ARHGEF38: variants seen among roughly 807,000 people sequenced by gnomAD.
ARHGEF38 encodes Rho guanine nucleotide exchange factor (GEF) 38.
Under a neutral mutation model 79.9 loss-of-function variants are expected in ARHGEF38, and 79 were observed. The ratio of observed to expected loss-of-function variants is 0.99; its 90% CI spans 0.82 to 1.19. The LOEUF (loss-of-function observed/expected upper bound fraction) is 1.19. Among genes scored for constraint, ARHGEF38 ranks in the 50% most tolerant of loss-of-function variants. The probability of loss-of-function intolerance (pLI) is 0.00; values close to 1 mark genes in which losing one functional copy is unlikely to be tolerated. For synonymous variants in ARHGEF38, 366 were observed against 328.3 expected (o/e 1.11, Z -1.24); for missense variants, 962 against 907.2 (o/e 1.06, Z -0.78).
At chr4:105,676,176 C>T (rs1369815858) in intron 13 of ARHGEF38, among the ~76,000 whole-genome samples, 1 of 152,206 alleles carries the variant, frequency 6.6e-6, no homozygotes, top group Non-Finnish European at 1.5e-5. Flanking sequence ...ATGAAGTCAT[C>T]TTATTTCTCA....
chr4:105,668,130 G>C (rs186374829), intron 13 of ARHGEF38, among the ~76,000 whole-genome samples: 101 of 152,030 alleles, frequency 6.6e-4, no homozygotes, highest in African/African-American at 2.4e-3. Context: ...CTAGTAATTG[G>C]CCAGTTTTAA....
chr4:105,570,445 A>G (rs1726163931), intron 1 of ARHGEF38, among the ~76,000 whole-genome samples: 1 of 152,214 alleles, frequency 6.6e-6, no homozygotes, highest in Admixed American at 6.5e-5. Context: ...TGGGTAATTT[A>G]TAAAGGAAAG....
intron 13 of ARHGEF38, among the ~76,000 whole-genome samples, chr4:105,669,498 C>A (rs1428361117): frequency 6.6e-6 from 1 of 152,062 alleles, no homozygotes; most frequent in Non-Finnish European, 1.5e-5. Context: ...CATTGCCATA[C>A]TGACCTTCAA....
At chr4:105,651,966 T>A (rs1250343918) in intron 7 of ARHGEF38, among the ~76,000 whole-genome samples, 2 of 152,196 alleles carry the variant, frequency 1.3e-5, no homozygotes, top group African/African-American at 4.8e-5. Flanking sequence ...CATGTCTTCT[T>A]TCAAGTCCCA....
At chr4:105,666,116 T>G in intron 10 of ARHGEF38, 61 bp from the exon 11 acceptor site, 14 of 1,407,956 alleles carry the variant, frequency 9.9e-6, no homozygotes, top group Non-Finnish European at 1.3e-5. Flanking sequence ...CTCAATACAT[T>G]TAACACCTGA....
At chr4:105,654,278 A>G in intron 8 of ARHGEF38, 109 bp downstream of exon 8, 2 of 598,556 alleles carry the variant, frequency 3.3e-6, no homozygotes, top group Non-Finnish European at 5.2e-6. Flanking sequence ...CCTTTATGTT[A>G]TGACACCGGA....
chr4:105,593,462 C>G (rs568537327), intron 2 of ARHGEF38, among the ~76,000 whole-genome samples: 1 of 152,182 alleles, frequency 6.6e-6, no homozygotes, highest in African/African-American at 2.4e-5. Context: ...CACTTGAGCC[C>G]AGGAGGTTGA....
intron 6 of ARHGEF38, 69 bp from the exon 7 acceptor site, chr4:105,648,480 A>C: frequency 7.4e-7 from 1 of 1,351,208 alleles, no homozygotes; most frequent in Non-Finnish European, 9.7e-7. Flanking sequence ...CGTCTTGAAA[A>C]CTTTGGGTGA....
chr4:105,653,357 C>T (rs1390066293), intron 7 of ARHGEF38, among the ~76,000 whole-genome samples: 1 of 147,418 alleles, frequency 6.8e-6, no homozygotes, highest in Non-Finnish European at 1.5e-5. Context: ...GAGTCTCGCT[C>T]TGTTGCCCAG....
chr4:105,670,214 T>C (rs1339315304), intron 13 of ARHGEF38, among the ~76,000 whole-genome samples: 1 of 152,212 alleles, frequency 6.6e-6, no homozygotes, highest in Non-Finnish European at 1.5e-5. Context: ...CAAACTGTAA[T>C]CCAAAGTGGG....
chr4:105,679,804 T>A lies in ARHGEF38; in HGVS notation c.*1867T>A, dbSNP rs753130308. 2 of 1,144,262 alleles carry A rather than the reference T, an allele frequency of 1.7e-6. No individual in the cohort carries two copies. Among genetic ancestry groups the A allele is most frequent in the African/African-American group, 1.5e-5 (1 of 65,234 alleles). 70.9% of individuals were successfully genotyped at this position (1,144,262 alleles called of 1,614,324 possible). Reference sequence around the variant, plus strand: ...CTGTCTGTCCAGCTTTACCCACGCATCCAGAGAGATGGATATAGGACTCAA... The same window carrying A: ...CTGTCTGTCCAGCTTTACCCACGCAACCAGAGAGATGGATATAGGACTCAA... On this transcript the variant is annotated 3_prime_UTR_variant, in exon 14 of 14. Transcript: ENST00000420470.
At chr4:105,612,953 A>G (rs10516520) in intron 2 of ARHGEF38, among the ~76,000 whole-genome samples, 21,446 of 152,072 alleles carry the variant, frequency 0.14, 1,609 homozygotes, top group Middle Eastern at 0.25. Context: ...ACATCTACTT[A>G]TCATCACTTT....
rs144462976 is a variant in ARHGEF38 at position 105,669,187 on chromosome 4, A to G, written c.2148+1484A>G. Among the ~76,000 whole-genome samples, 704 of 152,314 alleles carry G rather than the reference A, an allele frequency of 4.6e-3. 6 individuals are homozygous for G. The highest frequency in any genetic ancestry group is 0.031 in the Middle Eastern group (9 of 294). ...CATTTATACCAGTGGGAAACATAGC[A>G]TGTATGGTATATAGGGTTTTTTTCC... On this transcript the variant is annotated intron_variant, in intron 13 of 13. Coordinates refer to ENST00000420470, the MANE Select transcript of ARHGEF38 (RefSeq NM_001242729.2).
chr4:105,582,955 C>T (rs1311019866), intron 1 of ARHGEF38, among the ~76,000 whole-genome samples: 1 of 152,144 alleles, frequency 6.6e-6, no homozygotes, highest in Non-Finnish European at 1.5e-5. Flanking sequence ...ATATCTCACC[C>T]TTCCTTTAAT....
intron 3 of ARHGEF38, among the ~76,000 whole-genome samples, chr4:105,622,627 A>G (rs777055585): frequency 6.6e-6 from 1 of 152,206 alleles, no homozygotes; most frequent in African/African-American, 2.4e-5. Flanking sequence ...AGAAATCCGT[A>G]ACTCACAAGT....
chr4:105,663,745 G>A (rs1016491003), intron 10 of ARHGEF38, among the ~76,000 whole-genome samples: 13 of 152,164 alleles, frequency 8.5e-5, no homozygotes, highest in Admixed American at 4.6e-4. Flanking sequence ...TGAGGCAGGC[G>A]GATCACTTGA....
intron 13 of ARHGEF38, 63 bp from the exon 14 acceptor site, chr4:105,677,689 T>C (rs1413242934): frequency 2.3e-6 from 3 of 1,332,330 alleles, no homozygotes; most frequent in Admixed American, 3.1e-5. Context: ...TTGGAAACTT[T>C]TATGATGTTT....
intron 1 of ARHGEF38, chr4:105,570,066 G>A (rs1004423205): frequency 6.6e-6 from 1 of 152,158 alleles, no homozygotes; most frequent in African/African-American, 2.4e-5. Flanking sequence ...AAGGGAGAGA[G>A]CCCAGGCTTC....
intron 5 of ARHGEF38, among the ~76,000 whole-genome samples, chr4:105,643,176 T>TACTGAAAACAGTTTTCAG: frequency 6.6e-6 from 1 of 151,264 alleles, no homozygotes; most frequent in African/African-American, 2.5e-5. Flanking sequence ...TTTTCAGTAT[T>TACTGAAAACAGTTTTCAG]TATAATAGAT....
Sources: gnomAD v4.1 joint callset for allele counts (sites outside exome capture counted in the v4.1 genomes callset) on GRCh38, gnomAD v4.1.1 for gene constraint, MANE v1.5 for transcripts, NCBI Gene and HGNC (gene_info 2026-07-23, HGNC 2026-07-21) for gene names.